The following TASP1 variants were observed in gnomAD, a reference collection of about 807,000 sequenced individuals.
TASP1 encodes the protein threonine aspartase 1.
In TASP1, 16 loss-of-function variants were observed where a neutral mutation model predicts 56.6. The ratio of observed to expected loss-of-function variants is 0.28; its 90% CI spans 0.19 to 0.43. The LOEUF (loss-of-function observed/expected upper bound fraction) is 0.43. Among genes scored for constraint, TASP1 ranks in the 20% least tolerant of loss-of-function variants. TASP1 has a pLI of 1.00. For synonymous variants in TASP1, 179 were observed against 184.2 expected (o/e 0.97, Z 0.23); for missense variants, 393 against 511.6 (o/e 0.77, Z 2.24).
the TASP1 span, among the ~76,000 whole-genome samples, chr20:13,371,221 C>T: frequency 6.6e-6 from 1 of 152,048 alleles, no homozygotes; most frequent in Non-Finnish European, 1.5e-5. Context: ...GCTTCGTTTG[C>T]TCTTCTTTCT....
chr20:13,362,834 T>TATATATATATATAC, the TASP1 span, among the ~76,000 whole-genome samples: 3 of 130,618 alleles, frequency 2.3e-5, no homozygotes, highest in African/African-American at 9.4e-5. Context: ...TATATATATA[T>TATATATATATATAC]ATATTTGTCT....
chr20:13,210,361 T>C, the TASP1 span, among the ~76,000 whole-genome samples: 1 of 152,332 alleles, frequency 6.6e-6, no homozygotes, highest in East Asian at 1.9e-4. Flanking sequence ...GCTGTCTGTA[T>C]ACTTCTTAAT....
At chr20:13,374,657 A>AT in the TASP1 span, among the ~76,000 whole-genome samples, 6 of 151,996 alleles carry the variant, frequency 3.9e-5, no homozygotes, top group Admixed American at 2.0e-4. Context: ...CTCTTTCGTA[A>AT]TTTTTTTAAA....
chr20:13,194,434 C>T, the TASP1 span, among the ~76,000 whole-genome samples: 1 of 152,216 alleles, frequency 6.6e-6, no homozygotes, highest in East Asian at 1.9e-4. Flanking sequence ...AGAACATTCT[C>T]AATTGCAAAT....
chr20:13,292,537 T>C, the TASP1 span: 114 of 886,882 alleles, frequency 1.3e-4, no homozygotes, highest in East Asian at 2.7e-3. Context: ...TGCAATGCCA[T>C]CCTTGGATCC....
chr20:13,381,806 G>A, the TASP1 span, among the ~76,000 whole-genome samples: 3 of 152,138 alleles, frequency 2.0e-5, no homozygotes, highest in Non-Finnish European at 1.5e-5. Flanking sequence ...GGTAGCCTCT[G>A]GTCTTCTTTG....
the TASP1 span, among the ~76,000 whole-genome samples, chr20:13,375,926 G>T: frequency 1.0e-4 from 15 of 147,302 alleles, no homozygotes; most frequent in Non-Finnish European, 2.0e-4. Flanking sequence ...TGATGGGGTT[G>T]TTTTTTTTTT....
intron 10 of TASP1, among the ~76,000 whole-genome samples, chr20:13,496,564 A>C (rs2043739170): frequency 6.6e-6 from 1 of 152,120 alleles, no homozygotes; most frequent in Admixed American, 6.6e-5. Context: ...AGATGTATTC[A>C]AGAGGAGTCT....
chr20:13,477,658 T>C (rs1424853933), intron 11 of TASP1, among the ~76,000 whole-genome samples: 1 of 152,198 alleles, frequency 6.6e-6, no homozygotes, highest in Non-Finnish European at 1.5e-5. Context: ...GTTTTATATG[T>C]GTATATGTGT....
At chr20:13,620,172 C>T (rs1040083422) in intron 4 of TASP1, among the ~76,000 whole-genome samples, 7 of 151,066 alleles carry the variant, frequency 4.6e-5, no homozygotes, top group Admixed American at 2.0e-4. Context: ...AAAAATAAAA[C>T]CACACAAAAT....
chr20:13,390,789 G>A (rs1484479480), intron 13 of TASP1, among the ~76,000 whole-genome samples: 1 of 152,112 alleles, frequency 6.6e-6, no homozygotes, highest in East Asian at 1.9e-4. Flanking sequence ...CAGCTCTATT[G>A]AGTATAGTCA....
the TASP1 span, among the ~76,000 whole-genome samples, chr20:13,105,721 C>G: frequency 3.3e-5 from 5 of 152,222 alleles, no homozygotes; most frequent in Non-Finnish European, 7.3e-5. Context: ...CATTTACCAT[C>G]TATCATTTCT....
At chr20:13,220,759 C>T in the TASP1 span, among the ~76,000 whole-genome samples, 1 of 152,176 alleles carries the variant, frequency 6.6e-6, no homozygotes, top group South Asian at 2.1e-4. Context: ...CTCCTCCTCT[C>T]CCCCGACTGC....
chr20:13,544,218 C>CT (rs957831442), intron 8 of TASP1, among the ~76,000 whole-genome samples: 25 of 152,242 alleles, frequency 1.6e-4, no homozygotes, highest in Non-Finnish European at 3.2e-4. Context: ...TCAGTGTTTC[C>CT]TTTTTGAAAA....
At chr20:13,214,530 C>T in the TASP1 span, among the ~76,000 whole-genome samples, 1 of 70,648 alleles carries the variant, frequency 1.4e-5, no homozygotes, top group South Asian at 3.6e-4. Context: ...CACACACACA[C>T]ACACACACAC....
chr20:13,114,325 T>C, the TASP1 span, among the ~76,000 whole-genome samples: 1 of 152,236 alleles, frequency 6.6e-6, no homozygotes, highest in Non-Finnish European at 1.5e-5. Flanking sequence ...TAAAATCACA[T>C]TTTCTAATTT....
chr20:13,158,981 C>T, the TASP1 span, among the ~76,000 whole-genome samples: 211 of 152,320 alleles, frequency 1.4e-3, no homozygotes, highest in Non-Finnish European at 2.7e-3. Context: ...AGATCTGAGG[C>T]ATTTACCTCA....
At chr20:13,431,873 C>T (rs1345124788) in intron 12 of TASP1, among the ~76,000 whole-genome samples, 6 of 152,296 alleles carry the variant, frequency 3.9e-5, no homozygotes, top group Admixed American at 3.9e-4. Flanking sequence ...GCCCCCTCAC[C>T]ATGTGACATC....
chr20:13,470,767 T>A (rs1422060163), intron 11 of TASP1, among the ~76,000 whole-genome samples: 1 of 152,130 alleles, frequency 6.6e-6, no homozygotes, highest in Non-Finnish European at 1.5e-5. Flanking sequence ...TTTCTGATCC[T>A]CTCTCTCTCC....
Sources: gnomAD v4.1 joint callset for allele counts (sites outside exome capture counted in the v4.1 genomes callset) on GRCh38, gnomAD v4.1.1 for gene constraint, MANE v1.5 for transcripts, NCBI Gene and HGNC (gene_info 2026-07-23, HGNC 2026-07-21) for gene names.